Variants in UBTD2 observed in about 807,000 individuals in gnomAD.
UBTD2 encodes ubiquitin domain containing 2.
UBTD2 carries 9 observed loss-of-function variants against 19.8 expected under a neutral mutation model. The observed-to-expected ratio is 0.46, with a 90% CI of 0.27 to 0.79. The LOEUF is 0.79. UBTD2 is among the 30% of genes least tolerant of loss of function. The pLI is 0.14. For missense variants in UBTD2, 250 were observed against 300.4 expected (o/e 0.83, Z 1.24); for synonymous variants, 98 against 103.9 (o/e 0.94, Z 0.35).
intron 1 of UBTD2, among the ~76,000 whole-genome samples, chr5:172,273,590 CAAAAAAAAAAAAAAAAAA>C (rs35687001): frequency 8.2e-5 from 3 of 36,426 alleles, no homozygotes; most frequent in Admixed American, 7.1e-4. Context: ...GACTCCGTCT[CAAAAAAAAAAAAAAAAAA>C]AAAAAAAAAA....
At chr5:172,263,851 C>CTGTGTG (rs111856574) in intron 1 of UBTD2, among the ~76,000 whole-genome samples, 86 of 142,336 alleles carry the variant, frequency 6.0e-4, no homozygotes, top group African/African-American at 1.4e-3. Flanking sequence ...GCACGTGCCT[C>CTGTGTG]TGTGTGTGTG....
At chr5:172,274,588 G>GA (rs1755570888) in intron 1 of UBTD2, among the ~76,000 whole-genome samples, 3 of 152,306 alleles carry the variant, frequency 2.0e-5, no homozygotes, top group East Asian at 1.9e-4. Flanking sequence ...GTCTTACAGA[G>GA]AATGTGTTTG....
At chr5:172,271,693 C>T (rs761945262) in intron 1 of UBTD2, among the ~76,000 whole-genome samples, 1 of 152,090 alleles carries the variant, frequency 6.6e-6, no homozygotes, top group Non-Finnish European at 1.5e-5. Context: ...TTTAAAGTTT[C>T]AGGAAGAAGC....
At chr5:172,275,322 G>A (rs781378923) in intron 1 of UBTD2, among the ~76,000 whole-genome samples, 1 of 152,144 alleles carries the variant, frequency 6.6e-6, no homozygotes, top group Non-Finnish European at 1.5e-5. Context: ...CCCATGACAC[G>A]TGGAGATTAT....
At chr5:172,254,998 C>A in intron 1 of UBTD2, 1 of 561,110 alleles carries the variant, frequency 1.8e-6, no homozygotes, top group East Asian at 4.5e-5. Context: ...CCACCACCGG[C>A]TGGATGACCA....
At chr5:172,253,322 A>G (rs1178915938) in intron 1 of UBTD2, among the ~76,000 whole-genome samples, 2 of 152,226 alleles carry the variant, frequency 1.3e-5, no homozygotes, top group Non-Finnish European at 2.9e-5. Flanking sequence ...TATGCTCATA[A>G]AAGCTTTGAG....
chr5:172,218,790 T>TAAAAAAAAAAAAAAAAAAAAA (rs1200379659), intron 2 of UBTD2, among the ~76,000 whole-genome samples: 1 of 51,088 alleles, frequency 2.0e-5, no homozygotes, highest in South Asian at 7.6e-4. Context: ...AAAAAAAAAA[T>TAAAAAAAAAAAAAAAAAAAAA]AAAAAAATAA....
chr5:172,239,322 C>T (rs903192751), intron 1 of UBTD2, among the ~76,000 whole-genome samples: 4 of 152,112 alleles, frequency 2.6e-5, no homozygotes, highest in African/African-American at 9.7e-5. Context: ...TGCGGTGGCT[C>T]ACATCTGTAA....
At chr5:172,246,637 T>C (rs1201586656) in intron 1 of UBTD2, among the ~76,000 whole-genome samples, 4 of 151,364 alleles carry the variant, frequency 2.6e-5, no homozygotes, top group Non-Finnish European at 5.9e-5. Flanking sequence ...AGAGACAGGG[T>C]TTCCCCATGT....
intron 1 of UBTD2, among the ~76,000 whole-genome samples, chr5:172,251,948 T>C (rs1056878743): frequency 2.0e-5 from 3 of 152,216 alleles, no homozygotes; most frequent in Non-Finnish European, 4.4e-5. Context: ...GAGATGACAA[T>C]AATATCTGTT....
At chr5:172,250,806 A>C (rs940622169) in intron 1 of UBTD2, among the ~76,000 whole-genome samples, 4 of 151,804 alleles carry the variant, frequency 2.6e-5, no homozygotes, top group Non-Finnish European at 5.9e-5. Context: ...GGTGGCATGC[A>C]CCTGTAGTAC....
At chr5:172,231,309 G>A (rs1771891858) in intron 2 of UBTD2, among the ~76,000 whole-genome samples, 1 of 152,200 alleles carries the variant, frequency 6.6e-6, no homozygotes, top group South Asian at 2.1e-4. Flanking sequence ...CACCCAGAAT[G>A]TTATCACAGA....
chr5:172,212,244 TATGA>T lies in UBTD2; in HGVS notation c.308-21_308-18del. The T allele has an allele frequency of 6.4e-7, 1 of 1,569,098 alleles. No homozygotes were observed. The highest frequency in any genetic ancestry group is 1.2e-5 in the South Asian group (1 of 84,848). On this transcript the variant is annotated intron_variant, in intron 2 of 2. Transcript: ENST00000393792. ...TAAGTGCACCTTCAGAAAGAGAAGA[TATGA>T]ATAAGAACTTAATCCTTAATGAATG...
chr5:172,261,130 G>A (rs191080610), intron 1 of UBTD2, among the ~76,000 whole-genome samples: 75 of 152,216 alleles, frequency 4.9e-4, no homozygotes, highest in African/African-American at 1.6e-3. Flanking sequence ...CCCCTCCCCC[G>A]CTTCTAAGTG....
intron 1 of UBTD2, among the ~76,000 whole-genome samples, chr5:172,259,634 G>A (rs567320470): frequency 1.3e-5 from 2 of 152,050 alleles, no homozygotes; most frequent in East Asian, 1.9e-4. Context: ...TGGGGGTGGG[G>A]AGGAAATTAA....
intron 1 of UBTD2, among the ~76,000 whole-genome samples, chr5:172,257,577 G>T (rs1755181314): frequency 6.6e-6 from 1 of 152,186 alleles, no homozygotes; most frequent in African/African-American, 2.4e-5. Flanking sequence ...TCCCATAGAG[G>T]CTGAACTAAT....
At chr5:172,278,289 A>T (rs1253362452) in intron 1 of UBTD2, among the ~76,000 whole-genome samples, 1 of 152,140 alleles carries the variant, frequency 6.6e-6, no homozygotes, top group Non-Finnish European at 1.5e-5. Context: ...ATAAAAAAAA[A>T]AGTGGTATAT....
At chr5:172,234,057 G>T in intron 2 of UBTD2, 65 bp downstream of exon 2, 1 of 1,507,150 alleles carries the variant, frequency 6.6e-7, no homozygotes, top group Non-Finnish European at 9.2e-7. Context: ...TCTCCCATTT[G>T]GTTTCTTGCT....
At chr5:172,269,943 T>C (rs1755451567) in intron 1 of UBTD2, among the ~76,000 whole-genome samples, 2 of 150,698 alleles carry the variant, frequency 1.3e-5, no homozygotes, top group South Asian at 4.2e-4. Flanking sequence ...TGGGCATGGT[T>C]GCGCATGCCT....
Sources: allele counts gnomAD v4.1 joint callset (sites outside exome capture counted in the v4.1 genomes callset), GRCh38; gene constraint gnomAD v4.1.1; transcripts MANE v1.5; gene names NCBI Gene and HGNC (gene_info 2026-07-23, HGNC 2026-07-21).